Variants in EGFLAM observed in about 807,000 individuals in gnomAD.
EGFLAM encodes the protein EGF like, fibronectin type III and laminin G domains.
A neutral mutation model predicts 113.1 loss-of-function variants in EGFLAM; 79 were observed. The observed-to-expected ratio is 0.70, with a 90% confidence interval of 0.58 to 0.84. The LOEUF is 0.84. Among genes scored for constraint, EGFLAM ranks in the 40% least tolerant of loss-of-function variants. EGFLAM has a pLI of 0.00. For synonymous variants in EGFLAM, 504 were observed against 487.6 expected (o/e 1.03, Z -0.44); for missense variants, 1,265 against 1,291.6 (o/e 0.98, Z 0.32).
chr5:38,387,631 G>T (rs1056777515), intron 6 of EGFLAM, among the ~76,000 whole-genome samples: 1 of 152,362 alleles, frequency 6.6e-6, no homozygotes, highest in African/African-American at 2.4e-5. Flanking sequence ...CTCTGATGGA[G>T]AATGACTTTG....
Position 38,293,355 on chromosome 5 carries a change from T to C in EGFLAM, c.97+34504T>C, listed in dbSNP as rs1579736598. Among the ~76,000 whole-genome samples, 7 of 152,336 alleles carry C rather than the reference T, an allele frequency of 4.6e-5. No individual in the cohort carries two copies. The East Asian group carries it at 1.4e-3, about 29-fold the overall frequency. On this transcript the variant is annotated intron_variant, in intron 1 of 21. Coordinates refer to ENST00000322350, the MANE Select transcript of EGFLAM (RefSeq NM_152403.4). ...AAAGTAAATTAAATAAGGATAACAA[T>C]ACTTATTGCCCACAGAATTACAGTG... is the stretch of plus-strand genomic sequence containing the variant.
chr5:38,302,213 G>A (rs1394098670), intron 1 of EGFLAM, among the ~76,000 whole-genome samples: 2 of 150,184 alleles, frequency 1.3e-5, no homozygotes, highest in Admixed American at 1.3e-4. Flanking sequence ...CTCCGGCCTG[G>A]GTGACAGAGT....
At chr5:38,294,066 A>AT (rs1758398836) in intron 1 of EGFLAM, among the ~76,000 whole-genome samples, 1 of 152,164 alleles carries the variant, frequency 6.6e-6, no homozygotes, top group South Asian at 2.1e-4. Flanking sequence ...ATTCTCACTC[A>AT]TGTCTCTGCA....
At chr5:38,460,401 A>G (rs986142196) in intron 20 of EGFLAM, among the ~76,000 whole-genome samples, 2 of 152,198 alleles carry the variant, frequency 1.3e-5, no homozygotes, top group African/African-American at 4.8e-5. Context: ...TTGTGGGAAA[A>G]GCCAAGATTA....
chr5:38,425,741 C>G (rs1741984206), intron 13 of EGFLAM, among the ~76,000 whole-genome samples: 1 of 152,172 alleles, frequency 6.6e-6, no homozygotes, highest in Non-Finnish European at 1.5e-5. Flanking sequence ...TTTTAAAAAG[C>G]CTGTATTGGT....
chr5:38,321,651 G>T (rs115721521), intron 1 of EGFLAM, among the ~76,000 whole-genome samples: 1,725 of 152,272 alleles, frequency 0.011, 36 homozygotes, highest in African/African-American at 0.037. Flanking sequence ...GCTCCCCTGG[G>T]ATTTCCAACT....
chr5:38,276,112 G>A (rs920322213), intron 1 of EGFLAM, among the ~76,000 whole-genome samples: 14 of 152,166 alleles, frequency 9.2e-5, no homozygotes, highest in African/African-American at 3.1e-4. Context: ...ATGGGGGAAG[G>A]CAAGGAGGAG....
intron 5 of EGFLAM, among the ~76,000 whole-genome samples, chr5:38,365,149 C>T (rs766784398): frequency 2.6e-5 from 4 of 152,204 alleles, no homozygotes; most frequent in Admixed American, 6.5e-5. Flanking sequence ...TCCTAGTTAA[C>T]GTCCATGACA....
chr5:38,352,311 C>T lies in EGFLAM; in HGVS notation c.525C>T (p.Tyr175=), dbSNP rs776926555. The change falls in exon 5 of 22, where the codon TAC becomes TAT. Residue 175 remains tyrosine, a synonymous_variant. Coordinates refer to ENST00000322350, the MANE Select transcript of EGFLAM (RefSeq NM_152403.4). The part of the protein sequence containing the change: ...GASEGSAPIQ[Y]YSVEFIRPDF... The stretch of plus-strand genomic sequence containing the variant: ...GTGAAGGAAGCGCCCCTATTCAGTA[C>T]TATTCTGTGGAATTCATCAGGTAAG... 27 of 1,613,954 alleles carry T rather than the reference C, an allele frequency of 1.7e-5. No individual in the cohort carries two copies. The highest frequency in any genetic ancestry group is 2.3e-5 in the Non-Finnish European group (27 of 1,180,000).
intron 1 of EGFLAM, among the ~76,000 whole-genome samples, chr5:38,279,442 C>T (rs1235893106): frequency 1.3e-5 from 2 of 152,182 alleles, no homozygotes; most frequent in African/African-American, 4.8e-5. Flanking sequence ...ACTAGTCTCA[C>T]TAGCCAAGAT....
intron 17 of EGFLAM, among the ~76,000 whole-genome samples, chr5:38,440,580 A>G (rs1420912332): frequency 6.6e-6 from 1 of 152,200 alleles, no homozygotes; most frequent in African/African-American, 2.4e-5. Flanking sequence ...GTTTGCGTAA[A>G]TCCTTGGTTT....
At chr5:38,314,216 C>A (rs1296253960) in intron 1 of EGFLAM, among the ~76,000 whole-genome samples, 1 of 152,194 alleles carries the variant, frequency 6.6e-6, no homozygotes, top group Non-Finnish European at 1.5e-5. Flanking sequence ...TGCTAACCAA[C>A]TGTCCTAATG....
intron 20 of EGFLAM, among the ~76,000 whole-genome samples, chr5:38,458,673 T>C (rs1178562467): frequency 6.6e-6 from 1 of 152,180 alleles, no homozygotes; most frequent in East Asian, 1.9e-4. Flanking sequence ...GAGAGTTCAG[T>C]GTATGTGGAC....
chr5:38,286,620 T>C (rs2111775184), intron 1 of EGFLAM, among the ~76,000 whole-genome samples: 1 of 152,324 alleles, frequency 6.6e-6, no homozygotes, highest in South Asian at 2.1e-4. Context: ...AAGCCCTAGG[T>C]AGGAGTTTAC....
At chr5:38,455,593 G>A (rs1383948565) in intron 19 of EGFLAM, among the ~76,000 whole-genome samples, 5 of 152,084 alleles carry the variant, frequency 3.3e-5, no homozygotes, top group Non-Finnish European at 4.4e-5. Flanking sequence ...TTATATACAC[G>A]AGGGAGCTTT....
chr5:38,342,958 C>A (rs865811796), intron 3 of EGFLAM, among the ~76,000 whole-genome samples: 1 of 152,120 alleles, frequency 6.6e-6, no homozygotes, highest in Non-Finnish European at 1.5e-5. Context: ...CGGCGATGCA[C>A]CACCACCCTG....
chr5:38,398,054 G>A (rs946043657), intron 6 of EGFLAM, among the ~76,000 whole-genome samples: 3 of 152,180 alleles, frequency 2.0e-5, no homozygotes, highest in Non-Finnish European at 2.9e-5. Context: ...CCAAGCCAAA[G>A]TGACTTAATG....
At chr5:38,380,693 C>T (rs764436375) in intron 6 of EGFLAM, among the ~76,000 whole-genome samples, 1 of 152,210 alleles carries the variant, frequency 6.6e-6, no homozygotes, top group African/African-American at 2.4e-5. Context: ...CCATGGCAAT[C>T]GCTCTATTGA....
chr5:38,447,518 G>A (rs1742752392), intron 17 of EGFLAM, among the ~76,000 whole-genome samples: 1 of 152,150 alleles, frequency 6.6e-6, no homozygotes, highest in African/African-American at 2.4e-5. Flanking sequence ...CACTTTAGGA[G>A]GCCGAGGCGG....
Sources: allele counts gnomAD v4.1 joint callset (sites outside exome capture counted in the v4.1 genomes callset), GRCh38; gene constraint gnomAD v4.1.1; transcripts MANE v1.5; gene names NCBI Gene and HGNC (gene_info 2026-07-23, HGNC 2026-07-21).